NINL: variants seen among roughly 807,000 people sequenced by gnomAD.
NINL encodes ninein-like protein.
A neutral mutation model predicts 160.3 loss-of-function variants in NINL; 153 were observed. The observed-to-expected ratio is 0.95, with a 90% CI of 0.84 to 1.09. NINL has a LOEUF of 1.09. Ranked by LOEUF, NINL falls within the 50% of genes least tolerant of loss-of-function variation. The pLI, the probability that NINL is intolerant of heterozygous loss-of-function variation, is 0.00. For synonymous variants in NINL, 800 were observed against 734.8 expected, an observed-to-expected ratio of 1.09 and a Z score of -1.43; for missense variants, 1,829 against 1,764.0, an observed-to-expected ratio of 1.04 and a Z score of -0.66.
intron 5 of NINL, among the ~76,000 whole-genome samples, chr20:25,509,352 G>A (rs1405745439): frequency 1.3e-5 from 2 of 152,098 alleles, no homozygotes; most frequent in Non-Finnish European, 2.9e-5. Flanking sequence ...CCCAACAGAG[G>A]CCCCAGATGC....
At position 25,530,988 on chromosome 20, in the gene NINL, G is replaced by A. The variant is rs2064448081; in HGVS notation, c.-11-4390C>T. Among the ~76,000 whole-genome samples the A allele has an allele frequency of 1.3e-5, 2 of 152,136 alleles. 1 individual carries two copies. The highest frequency in any genetic ancestry group is 4.1e-4 in the South Asian group (2 of 4,830). On this transcript the variant is annotated intron_variant, in intron 1 of 23. Transcript: ENST00000278886. ...TTTCCTCGTCCTAATAAGCCTGGGA[G>A]CGCTACGGGAGACTGGAGCTTATTT...
At chr20:25,523,600 CAT>C (rs2064300984) in intron 2 of NINL, among the ~76,000 whole-genome samples, 1 of 151,650 alleles carries the variant, frequency 6.6e-6, no homozygotes, top group Non-Finnish European at 1.5e-5. Context: ...TATATAATAT[CAT>C]ATATGATAGT....
intron 1 of NINL, among the ~76,000 whole-genome samples, chr20:25,583,545 C>A (rs1375332978): frequency 1.3e-5 from 2 of 152,202 alleles, no homozygotes; most frequent in East Asian, 3.9e-4. Flanking sequence ...ATTAGTTCAA[C>A]CATTGTGGAA....
At chr20:25,579,172 G>A (rs1165946063) in intron 1 of NINL, among the ~76,000 whole-genome samples, 1 of 152,082 alleles carries the variant, frequency 6.6e-6, no homozygotes, top group Non-Finnish European at 1.5e-5. Context: ...CCACTGTGTT[G>A]GGAGGCACAG....
intron 5 of NINL, among the ~76,000 whole-genome samples, chr20:25,507,879 G>A (rs1215863820): frequency 2.0e-5 from 3 of 152,186 alleles, no homozygotes; most frequent in Non-Finnish European, 4.4e-5. Context: ...GGCAGAAGAG[G>A]TCGGGCAAGT....
At chr20:25,553,104 GTT>G (rs3036846) in intron 1 of NINL, among the ~76,000 whole-genome samples, 2 of 100,118 alleles carry the variant, frequency 2.0e-5, no homozygotes, top group African/African-American at 3.9e-5. Context: ...CCCTTGTTGG[GTT>G]TTTTTTTTTT....
At chr20:25,531,498 G>A (rs201889176) in intron 1 of NINL, among the ~76,000 whole-genome samples, 25 of 152,284 alleles carry the variant, frequency 1.6e-4, no homozygotes, top group Admixed American at 3.3e-4. Flanking sequence ...AAAGACAGGC[G>A]TAAGAAATTA....
intron 1 of NINL, among the ~76,000 whole-genome samples, chr20:25,561,515 C>G (rs1357883556): frequency 2.0e-5 from 3 of 150,320 alleles, no homozygotes; most frequent in Non-Finnish European, 3.0e-5. Flanking sequence ...TGTGAGGAGC[C>G]CCTCTGCCTG....
chr20:25,578,203 G>A (rs1036613814), intron 1 of NINL, among the ~76,000 whole-genome samples: 1 of 151,456 alleles, frequency 6.6e-6, no homozygotes, highest in Non-Finnish European at 1.5e-5. Context: ...CGCCTCCCAG[G>A]ATCAAGCGAT....
intron 19 of NINL, 134 bp downstream of exon 19, chr20:25,467,255 G>A: frequency 2.5e-6 from 2 of 785,556 alleles, no homozygotes; most frequent in Non-Finnish European, 4.4e-6. Context: ...TGGGGCCTGG[G>A]GGCCAGTCAG....
rs1250507761 is a variant in NINL, at chr20:25,467,341, A to G, written c.3423+48T>C. The G allele has an allele frequency of 2.2e-6, 3 of 1,392,670 alleles. No individual in the cohort carries two copies. In the African/African-American group the frequency reaches 4.3e-5, roughly 20 times the overall value. 86.3% of individuals were successfully genotyped at this position (1,392,670 alleles called of 1,614,324 possible). ...GTTTAAAATGATTTCAAAATAATGA[A>G]AAAAAGGAATGGTGGCATGAGCTCC... is the stretch of plus-strand genomic sequence containing the variant. On this transcript the variant is annotated intron_variant, in intron 19 of 23. Coordinates refer to ENST00000278886, the MANE Select transcript of NINL (RefSeq NM_025176.6).
intron 1 of NINL, among the ~76,000 whole-genome samples, chr20:25,539,860 G>A (rs557446930): frequency 4.3e-4 from 66 of 152,320 alleles, no homozygotes; most frequent in Admixed American, 1.9e-3. Context: ...CCCACGGGGC[G>A]GAGGAAAGAA....
intron 1 of NINL, among the ~76,000 whole-genome samples, chr20:25,559,953 G>A (rs1162883461): frequency 6.6e-6 from 1 of 151,922 alleles, no homozygotes; most frequent in African/African-American, 2.4e-5. Context: ...GATTGATTGA[G>A]ACAGGGTCTT....
chr20:25,561,692 C>G (rs1287400743), intron 1 of NINL, among the ~76,000 whole-genome samples: 2 of 150,680 alleles, frequency 1.3e-5, no homozygotes, highest in Non-Finnish European at 1.5e-5. Flanking sequence ...GCCGCCCCGT[C>G]TGGGATGTGA....
chr20:25,583,826 G>A (rs1182028585), intron 1 of NINL, among the ~76,000 whole-genome samples: 1 of 152,158 alleles, frequency 6.6e-6, no homozygotes, highest in Non-Finnish European at 1.5e-5. Context: ...CCTTTGCAGG[G>A]ACATGCATAA....
At chr20:25,483,460 T>A (rs987752265) in intron 13 of NINL, among the ~76,000 whole-genome samples, 1 of 152,232 alleles carries the variant, frequency 6.6e-6, no homozygotes, top group Non-Finnish European at 1.5e-5. Context: ...TGGGTAAGGA[T>A]AGGATTCCTT....
intron 18 of NINL, among the ~76,000 whole-genome samples, chr20:25,469,105 G>A (rs1298228032): frequency 2.9e-5 from 4 of 139,102 alleles, no homozygotes; most frequent in Admixed American, 7.0e-5. Context: ...TCACTGGTGG[G>A]TGCCCCACTG....
At chr20:25,554,624 CAAAAAAAAAAACAAAAA>C (rs762548995) in intron 1 of NINL, among the ~76,000 whole-genome samples, 12,275 of 49,666 alleles carry the variant, frequency 0.25, 902 homozygotes, top group African/African-American at 0.41. Context: ...TGTTCTTTAC[CAAAAAAAAAAACAAAAA>C]AAAAAAAAAA....
At chr20:25,576,778 G>A (rs1422175961) in intron 1 of NINL, among the ~76,000 whole-genome samples, 1 of 152,164 alleles carries the variant, frequency 6.6e-6, no homozygotes, top group African/African-American at 2.4e-5. Context: ...TTTAAGTGGT[G>A]AAAGTCTACA....
Sources: gnomAD v4.1 joint callset for allele counts (sites outside exome capture counted in the v4.1 genomes callset) on GRCh38, gnomAD v4.1.1 for gene constraint, MANE v1.5 for transcripts, NCBI Gene and HGNC (gene_info 2026-07-23, HGNC 2026-07-21) for gene names.